The following A2M variants were observed in gnomAD, a reference collection of about 807,000 sequenced individuals.
A2M encodes the protein C3 and PZP-like alpha-2-macroglobulin domain-containing protein 5.
A neutral mutation model predicts 183.9 loss-of-function variants in A2M; 128 were observed. The ratio of observed to expected loss-of-function variants is 0.70; its 90% CI spans 0.60 to 0.81. The LOEUF (loss-of-function observed/expected upper bound fraction) is 0.81. Ranked by LOEUF, A2M falls within the 30% of genes least tolerant of loss-of-function variation. The pLI is 0.00. For synonymous variants in A2M, 592 were observed against 670.8 expected, an observed-to-expected ratio of 0.88 and a Z score of 1.81; for missense variants, 1,495 against 1,787.6, an observed-to-expected ratio of 0.84 and a Z score of 2.95.
At chr12:9,082,126 G>A (rs1431598079) in intron 22 of A2M, among the ~76,000 whole-genome samples, 2 of 152,180 alleles carry the variant, frequency 1.3e-5, no homozygotes, top group African/African-American at 4.8e-5. Context: ...AGTCTAAAGG[G>A]TAGCTCAACT....
intron 28 of A2M, among the ~76,000 whole-genome samples, chr12:9,075,946 A>G (rs1482777487): frequency 1.3e-5 from 2 of 152,234 alleles, no homozygotes; most frequent in Non-Finnish European, 2.9e-5. Flanking sequence ...AATACATTTT[A>G]AGAAGAATTA....
At chr12:9,095,813 G>T in intron 15 of A2M, 113 bp from the exon 16 acceptor site, 1 of 841,700 alleles carries the variant, frequency 1.2e-6, no homozygotes, top group Non-Finnish European at 1.7e-6. Flanking sequence ...ACCGCGGACT[G>T]CAGTGGCGCA....
At chr12:9,090,053 GCATCTTCCCCTTCCTC>G (rs1363374454) in intron 20 of A2M, 30 bp from the exon 21 acceptor site, 31 of 1,567,270 alleles carry the variant, frequency 2.0e-5, no homozygotes, top group Non-Finnish European at 2.6e-5. Context: ...GAAATGAATA[GCATCTTCCCCTTCCTC>G]CATGCCTCCA....
At chr12:9,099,992 G>A (rs1025928431) in intron 13 of A2M, among the ~76,000 whole-genome samples, 1 of 152,224 alleles carries the variant, frequency 6.6e-6, no homozygotes, top group Non-Finnish European at 1.5e-5. Flanking sequence ...GTTGCATTAA[G>A]TTTCCTTCAG....
chr12:9,110,118 A>T (rs1665786593), intron 5 of A2M, 83 bp from the exon 6 acceptor site: 1 of 1,470,782 alleles, frequency 6.8e-7, no homozygotes, highest in South Asian at 1.3e-5. Context: ...ACCCTAAGTT[A>T]TCTACAAAAA....
chr12:9,106,670 G>T, intron 8 of A2M, 65 bp from the exon 9 acceptor site: 1 of 790,366 alleles, frequency 1.3e-6, no homozygotes, highest in Non-Finnish European at 2.0e-6. Context: ...TCAGTGGTCA[G>T]ATAACCGGTG....
intron 35 of A2M, 108 bp from the exon 36 acceptor site, chr12:9,067,947 G>T: frequency 8.8e-7 from 1 of 1,140,732 alleles, no homozygotes. Context: ...AACCTAATCA[G>T]TACAGTGGGA....
chr12:9,113,441 G>A lies in A2M; in HGVS notation c.189C>T (p.Ser63=). ...YLNETVTVSA[S]LESVRGNRSL... ...TCCTGTTTCCCCTGACAGACTCCAA[G>A]GAAGCACTTACAGTCACTGTCTCAT... Residue 63 remains serine, a synonymous_variant, in exon 2 of 36, where the codon TCC becomes TCT. Transcript: ENST00000318602. 3 of 1,613,926 alleles carry A rather than the reference G, an allele frequency of 1.9e-6. No homozygotes were observed. The highest frequency in any genetic ancestry group is 2.5e-6 in the Non-Finnish European group (3 of 1,179,952).
At chr12:9,083,287 G>A (rs1332429456) in intron 22 of A2M, among the ~76,000 whole-genome samples, 3 of 151,952 alleles carry the variant, frequency 2.0e-5, no homozygotes, top group African/African-American at 7.3e-5. Context: ...TATAGCTAAT[G>A]TAAATGACGA....
At chr12:9,078,106 A>C (rs1948801214) in intron 25 of A2M, among the ~76,000 whole-genome samples, 1 of 152,170 alleles carries the variant, frequency 6.6e-6, no homozygotes, top group Non-Finnish European at 1.5e-5. Context: ...ATACATGTGC[A>C]GAACGTGCAG....
chr12:9,112,602 T>A, intron 2 of A2M, 66 bp from the exon 3 acceptor site: 1 of 1,569,094 alleles, frequency 6.4e-7, no homozygotes, highest in Non-Finnish European at 8.7e-7. Flanking sequence ...TATTTGCTGT[T>A]GCACTCTTCC....
chr12:9,114,915 T>C (rs1308893924), intron 1 of A2M, among the ~76,000 whole-genome samples: 2 of 152,184 alleles, frequency 1.3e-5, no homozygotes, highest in Non-Finnish European at 2.9e-5. Context: ...ACATATTAGA[T>C]ATAAAATTAA....
At position 9,079,636 on chromosome 12, in the gene A2M, C is replaced by T. The variant is rs1418496705; in HGVS notation, c.3031+3G>A. The T allele has an allele frequency of 3.7e-6, 6 of 1,610,254 alleles. No homozygotes were observed. The highest frequency in any genetic ancestry group is 5.1e-6 in the Non-Finnish European group (6 of 1,178,508). On this transcript the variant is annotated splice_donor_region_variant and intron_variant, in intron 24 of 35. Transcript: ENST00000318602. ...GTTTTCCCTTACTCAAGTAATCACT[C>T]ACCAGTGTTGAGATAGCCAATGGCC...
intron 11 of A2M, among the ~76,000 whole-genome samples, chr12:9,103,471 A>T (rs1161591470): frequency 6.6e-6 from 1 of 152,174 alleles, no homozygotes; most frequent in Non-Finnish European, 1.5e-5. Context: ...TTTAGTGTAC[A>T]GTTTGGTAGT....
chr12:9,105,217 A>T (rs1938192696), intron 10 of A2M, among the ~76,000 whole-genome samples: 1 of 152,230 alleles, frequency 6.6e-6, no homozygotes, highest in South Asian at 2.1e-4. Flanking sequence ...TAATTGATTT[A>T]CAAAATCTAA....
intron 8 of A2M, 92 bp from the exon 9 acceptor site, chr12:9,106,697 A>C (rs1423103449): frequency 3.3e-6 from 2 of 604,480 alleles, no homozygotes; most frequent in Non-Finnish European, 5.8e-6. Flanking sequence ...TTGTGGGGGG[A>C]CAACATCATG....
At chr12:9,098,025 T>C (rs1322793166) in intron 15 of A2M, among the ~76,000 whole-genome samples, 1 of 152,228 alleles carries the variant, frequency 6.6e-6, no homozygotes, top group African/African-American at 2.4e-5. Flanking sequence ...TTTTGAAATG[T>C]TGAAACTAGT....
At chr12:9,069,080 TG>T (rs1194526672) in intron 33 of A2M, 4 of 347,740 alleles carry the variant, frequency 1.2e-5, no homozygotes, top group Non-Finnish European at 2.1e-5. Flanking sequence ...GCTCTGTTCA[TG>T]GGGGTAAATG....
At chr12:9,082,923 G>A (rs1451086717) in intron 22 of A2M, among the ~76,000 whole-genome samples, 1 of 152,170 alleles carries the variant, frequency 6.6e-6, no homozygotes, top group Admixed American at 6.5e-5. Context: ...ATAATCCTTT[G>A]GGTATATACC....
Sources: allele counts gnomAD v4.1 joint callset (sites outside exome capture counted in the v4.1 genomes callset), GRCh38; gene constraint gnomAD v4.1.1; transcripts MANE v1.5; gene names NCBI Gene and HGNC (gene_info 2026-07-23, HGNC 2026-07-21).